The following SPAG16 variants were observed in gnomAD, a reference collection of about 807,000 sequenced individuals.
SPAG16 encodes sperm-associated antigen 16 protein.
A neutral mutation model predicts 80.4 loss-of-function variants in SPAG16; 86 were observed. The observed-to-expected ratio is 1.07, with a 90% CI of 0.90 to 1.28. The LOEUF is 1.28. SPAG16 is among the 50% of genes most tolerant of loss of function. The pLI is 0.00. For missense variants in SPAG16, 870 were observed against 765.3 expected (o/e 1.14, Z -1.61); for synonymous variants, 294 against 265.9 (o/e 1.11, Z -1.03).
intron 10 of SPAG16, among the ~76,000 whole-genome samples, chr2:213,511,912 A>C (rs1342465967): frequency 1.3e-5 from 2 of 152,000 alleles, no homozygotes; most frequent in African/African-American, 4.8e-5. Context: ...AAACATTTGC[A>C]CTCACAATAC....
rs371853900 is a variant in SPAG16 at position 213,495,784 on chromosome 2, A to G, written c.1070+5694A>G. Among the ~76,000 whole-genome samples, 18 of 152,222 alleles carry G rather than the reference A, an allele frequency of 1.2e-4. No individual in the cohort carries two copies. The East Asian group carries it at 1.3e-3, about 11-fold the overall frequency. ...GATGAAGTGAGACATGTGGAGCACTAGGAAGAAAATTAGAGTCAGAGAGAA... is the reference window on the plus strand; with the variant it reads ...GATGAAGTGAGACATGTGGAGCACTGGGAAGAAAATTAGAGTCAGAGAGAA... On this transcript the variant is annotated intron_variant, in intron 10 of 15. Coordinates refer to ENST00000331683, the MANE Select transcript of SPAG16 (RefSeq NM_024532.5).
At chr2:214,385,607 G>T (rs991759925) in intron 15 of SPAG16, among the ~76,000 whole-genome samples, 5 of 152,204 alleles carry the variant, frequency 3.3e-5, no homozygotes, top group African/African-American at 1.2e-4. Context: ...ACTTTGGGAG[G>T]CCGAGGCAGG....
At chr2:213,464,799 C>A (rs148464175) in intron 9 of SPAG16, among the ~76,000 whole-genome samples, 1 of 152,320 alleles carries the variant, frequency 6.6e-6, no homozygotes, top group East Asian at 1.9e-4. Flanking sequence ...TCCTTTCCTA[C>A]GTGGAAGGCT....
In SPAG16 at chr2:213,643,348, TTATATATATATATATA is replaced by T. The variant is rs61608932; in HGVS notation, c.1070+153306_1070+153321del. Reference sequence around the variant, plus strand: ...CTGCCAGATGTATTGGATCTTAATTTTATATATATATATATATATATATATATATATATATATATAT... The same window carrying T: ...CTGCCAGATGTATTGGATCTTAATTTTATATATATATATATATATATATAT... On this transcript the variant is annotated intron_variant, in intron 10 of 15. Transcript: ENST00000331683. Among the ~76,000 whole-genome samples the T allele has an allele frequency of 7.1e-3, 276 of 39,050 alleles. 9 individuals are homozygous for T. The highest frequency in any genetic ancestry group is 0.019 in the East Asian group (22 of 1,142). The allele number at this position is 39,050 out of a possible 152,430, so 25.6% of individuals were successfully genotyped here.
intron 10 of SPAG16, among the ~76,000 whole-genome samples, chr2:213,589,027 A>G (rs2060585135): frequency 6.6e-6 from 1 of 152,068 alleles, no homozygotes; most frequent in African/African-American, 2.4e-5. Flanking sequence ...ACTTTTTAAA[A>G]TTTATATTAG....
At chr2:213,988,627 G>C (rs747466260) in intron 12 of SPAG16, among the ~76,000 whole-genome samples, 12 of 151,334 alleles carry the variant, frequency 7.9e-5, no homozygotes, top group Non-Finnish European at 1.0e-4. Context: ...AATCAGTCTT[G>C]TTTCTATATA....
intron 9 of SPAG16, among the ~76,000 whole-genome samples, chr2:213,377,000 A>G (rs1016690241): frequency 5.3e-5 from 8 of 152,066 alleles, no homozygotes; most frequent in South Asian, 4.1e-4. Context: ...ATTTTCCTTC[A>G]TAGATTGCTT....
At chr2:213,642,057 T>G (rs949508689) in intron 10 of SPAG16, among the ~76,000 whole-genome samples, 12 of 152,138 alleles carry the variant, frequency 7.9e-5, no homozygotes, top group Non-Finnish European at 1.6e-4. Context: ...GGTCCCTCCT[T>G]GAGGATTACA....
At chr2:214,327,209 T>G (rs999501979) in intron 15 of SPAG16, among the ~76,000 whole-genome samples, 1 of 152,200 alleles carries the variant, frequency 6.6e-6, no homozygotes, top group African/African-American at 2.4e-5. Context: ...TTGTGAGACA[T>G]CAGTGCTCCT....
At chr2:214,386,884 A>C (rs559590821) in intron 15 of SPAG16, among the ~76,000 whole-genome samples, 3 of 151,266 alleles carry the variant, frequency 2.0e-5, no homozygotes, top group East Asian at 1.9e-4. Context: ...GAAAAAAAAA[A>C]AACAACTATG....
At chr2:213,522,115 C>T (rs2075700435) in intron 10 of SPAG16, among the ~76,000 whole-genome samples, 1 of 152,144 alleles carries the variant, frequency 6.6e-6, no homozygotes, top group Non-Finnish European at 1.5e-5. Flanking sequence ...CTGTGGCTGG[C>T]TGTAAGAAAT....
At chr2:213,886,828 A>C (rs2076573649) in intron 11 of SPAG16, among the ~76,000 whole-genome samples, 1 of 152,164 alleles carries the variant, frequency 6.6e-6, no homozygotes, top group South Asian at 2.1e-4. Context: ...TAAAGGACTC[A>C]TGAAGATGAC....
At chr2:213,989,984 T>C (rs1301665948) in intron 12 of SPAG16, among the ~76,000 whole-genome samples, 2 of 152,132 alleles carry the variant, frequency 1.3e-5, no homozygotes, top group South Asian at 2.1e-4. Context: ...TTTTATATCA[T>C]ATTTGCATTG....
chr2:213,541,348 G>A (rs933216803), intron 10 of SPAG16, among the ~76,000 whole-genome samples: 6 of 152,220 alleles, frequency 3.9e-5, no homozygotes, highest in Admixed American at 1.3e-4. Flanking sequence ...GCCATGCACG[G>A]TGGCTCACAC....
At chr2:213,401,876 G>T (rs2068327367) in intron 9 of SPAG16, among the ~76,000 whole-genome samples, 1 of 151,640 alleles carries the variant, frequency 6.6e-6, no homozygotes, top group African/African-American at 2.4e-5. Flanking sequence ...TTCAGTGTTT[G>T]CTCTGAAAAA....
At chr2:214,076,392 G>A (rs16851401) in intron 13 of SPAG16, among the ~76,000 whole-genome samples, 2,184 of 152,190 alleles carry the variant, frequency 0.014, 55 homozygotes, top group African/African-American at 0.05. Context: ...CTGATAAATG[G>A]AAATTAACTG....
intron 11 of SPAG16, among the ~76,000 whole-genome samples, chr2:213,910,245 T>C (rs1022976628): frequency 3.9e-5 from 6 of 152,316 alleles, no homozygotes; most frequent in Admixed American, 3.3e-4. Context: ...CGATAGTAAT[T>C]TATTTTATTC....
chr2:213,450,850 G>A (rs1268138707), intron 9 of SPAG16, among the ~76,000 whole-genome samples: 3 of 152,034 alleles, frequency 2.0e-5, no homozygotes, highest in Non-Finnish European at 4.4e-5. Context: ...CTATATCTCT[G>A]GAGAATAATG....
At chr2:214,300,293 C>T (rs1694454902) in intron 15 of SPAG16, among the ~76,000 whole-genome samples, 1 of 152,022 alleles carries the variant, frequency 6.6e-6, no homozygotes, top group South Asian at 2.1e-4. Context: ...AAGATTTTCT[C>T]CCCTCTGGAA....
Sources: gnomAD v4.1 joint callset for allele counts (sites outside exome capture counted in the v4.1 genomes callset) on GRCh38, gnomAD v4.1.1 for gene constraint, MANE v1.5 for transcripts, NCBI Gene and HGNC (gene_info 2026-07-23, HGNC 2026-07-21) for gene names.